KCNB2: variants seen among roughly 807,000 people sequenced by gnomAD.
KCNB2 encodes delayed rectifier potassium channel protein.
A neutral mutation model predicts 61.5 loss-of-function variants in KCNB2; 15 were observed. The observed-to-expected ratio is 0.24, with a 90% CI of 0.16 to 0.38. The LOEUF is 0.38. Among genes scored for constraint, KCNB2 ranks in the 10% least tolerant of loss-of-function variants. KCNB2 has a pLI of 1.00. For synonymous variants in KCNB2, 457 were observed against 446.0 expected (o/e 1.02, Z -0.31); for missense variants, 828 against 1,125.2 (o/e 0.74, Z 3.78).
intron 2 of KCNB2, among the ~76,000 whole-genome samples, chr8:72,608,998 T>C (rs1319415258): frequency 6.6e-6 from 1 of 152,212 alleles, no homozygotes; most frequent in Non-Finnish European, 1.5e-5. Flanking sequence ...TTTTCTATGA[T>C]GAAGTATAAT....
intron 2 of KCNB2, among the ~76,000 whole-genome samples, chr8:72,884,355 A>AGT (rs959641806): frequency 4.6e-5 from 7 of 151,668 alleles, no homozygotes; most frequent in South Asian, 4.2e-4. Context: ...AACTTCTCCC[A>AGT]GTGTGTGTGT....
At chr8:72,798,495 C>T (rs116064649) in intron 2 of KCNB2, among the ~76,000 whole-genome samples, 2,597 of 152,212 alleles carry the variant, frequency 0.017, 74 homozygotes, top group African/African-American at 0.059. Context: ...CTACTTCTAC[C>T]TTCTGCCCTT....
At chr8:72,600,078 C>A (rs542377261) in intron 2 of KCNB2, among the ~76,000 whole-genome samples, 13 of 152,358 alleles carry the variant, frequency 8.5e-5, no homozygotes, top group Non-Finnish European at 1.8e-4. Context: ...TTTGACCCAG[C>A]CATCCCATTA....
At chr8:72,558,610 G>T (rs1456703698) in intron 1 of KCNB2, among the ~76,000 whole-genome samples, 1 of 151,992 alleles carries the variant, frequency 6.6e-6, no homozygotes, top group Non-Finnish European at 1.5e-5. Context: ...AAATAAGGAA[G>T]GACTTAATTA....
At chr8:72,627,857 G>A (rs562434698) in intron 2 of KCNB2, among the ~76,000 whole-genome samples, 1 of 152,232 alleles carries the variant, frequency 6.6e-6, no homozygotes, top group African/African-American at 2.4e-5. Flanking sequence ...AGTATTTATT[G>A]TAGTATTTAT....
intron 2 of KCNB2, among the ~76,000 whole-genome samples, chr8:72,887,143 G>C (rs1022089933): frequency 1.3e-5 from 2 of 152,198 alleles, no homozygotes; most frequent in Non-Finnish European, 2.9e-5. Context: ...AGGGAGCTGA[G>C]TTAGATCCTG....
intron 2 of KCNB2, among the ~76,000 whole-genome samples, chr8:72,687,881 G>T (rs1414287315): frequency 6.6e-6 from 1 of 152,234 alleles, no homozygotes; most frequent in African/African-American, 2.4e-5. Context: ...ATAGTTGGGA[G>T]TTGGGTTTCT....
At chr8:72,634,929 G>GC in intron 2 of KCNB2, among the ~76,000 whole-genome samples, 1 of 152,218 alleles carries the variant, frequency 6.6e-6, no homozygotes, top group South Asian at 2.1e-4. Context: ...TCTCATTTAA[G>GC]CCCCCTAGAA....
intron 2 of KCNB2, among the ~76,000 whole-genome samples, chr8:72,758,368 G>A (rs1193424601): frequency 6.6e-6 from 1 of 152,200 alleles, no homozygotes. Context: ...GATCCATCCT[G>A]CCAGGCAGGT....
intron 2 of KCNB2, among the ~76,000 whole-genome samples, chr8:72,887,086 C>T (rs1302184704): frequency 6.6e-6 from 1 of 152,172 alleles, no homozygotes; most frequent in Non-Finnish European, 1.5e-5. Flanking sequence ...ACACCTTAAG[C>T]CAGCTTAGTG....
At chr8:72,668,770 G>C (rs895637774) in intron 2 of KCNB2, among the ~76,000 whole-genome samples, 4 of 152,044 alleles carry the variant, frequency 2.6e-5, no homozygotes, top group African/African-American at 9.7e-5. Context: ...TTATTTACTT[G>C]TTTATTATTT....
At chr8:72,730,560 A>G (rs569394982) in intron 2 of KCNB2, among the ~76,000 whole-genome samples, 2 of 152,262 alleles carry the variant, frequency 1.3e-5, no homozygotes, top group East Asian at 3.9e-4. Flanking sequence ...TGGTTCCTTC[A>G]CAGTCAATGT....
At chr8:72,565,110 C>G (rs752097114) in intron 1 of KCNB2, among the ~76,000 whole-genome samples, 1 of 148,966 alleles carries the variant, frequency 6.7e-6, no homozygotes, top group Non-Finnish European at 1.5e-5. Context: ...TAAAGATAAG[C>G]ATTTTTGTCA....
At chr8:72,824,896 T>C (rs1809572022) in intron 2 of KCNB2, among the ~76,000 whole-genome samples, 1 of 152,324 alleles carries the variant, frequency 6.6e-6, no homozygotes, top group African/African-American at 2.4e-5. Context: ...TGGTAAAATA[T>C]ACATAACATA....
chr8:72,538,325 T>C (rs899639371), intron 1 of KCNB2, among the ~76,000 whole-genome samples: 4 of 151,258 alleles, frequency 2.6e-5, no homozygotes, highest in Non-Finnish European at 1.5e-5. Context: ...TGTAGCACGA[T>C]TCCTGAGAGG....
At chr8:72,778,912 A>G (rs1329992665) in intron 2 of KCNB2, among the ~76,000 whole-genome samples, 1 of 152,128 alleles carries the variant, frequency 6.6e-6, no homozygotes, top group Non-Finnish European at 1.5e-5. Context: ...AAAGCCAAGT[A>G]TAGCATTTGG....
rs1806901641 is a variant in KCNB2 at position 72,936,248 on chromosome 8, G to A, written c.893G>A (p.Arg298His). ...KSVLQFQNVR[R>H]VVQIFRIMRI... ...GTGCTGCAGTTCCAAAACGTGAGGC[G>A]CGTGGTCCAGATCTTCCGAATCATG... The change falls in exon 3 of 3, where the codon CGC becomes CAC. Residue 298 changes from arginine (R) to histidine (H), a missense_variant. Arg to His is a conservative substitution (Grantham distance 29). Around this residue, in one of 4 missense-constraint regions of KCNB2, gnomAD observed 163 missense variants for 314.4 expected, o/e 0.52. Transcript: ENST00000523207. This position sits in a 1 kb window ranked among gnomAD's most constrained non-coding sequence, Gnocchi z 5.6. The A allele has an allele frequency of 6.2e-7, 1 of 1,614,240 alleles. No homozygotes were observed. Among genetic ancestry groups the A allele is most frequent in the Non-Finnish European group, 8.5e-7 (1 of 1,180,042 alleles).
rs2129009623 is a variant in KCNB2, at chr8:72,937,979, A to G, written c.2624A>G (p.Lys875Arg). Residue 875 changes from lysine (K) to arginine (R), a missense_variant, in exon 3 of 3, where the codon AAA becomes AGA. By Grantham distance (26) the Lys-to-Arg change is conservative (BLOSUM62 2). This residue lies in a region of KCNB2 where 559 missense variants were observed against 588.4 expected (regional missense o/e 0.95). Transcript: ENST00000523207. ...ATTTACCATGCTGTGAGTGAAGTCA[A>G]AAAGGACAGTAGTCAAGAAGGGTGC... ...QDIYHAVSEV[K>R]KDSSQEGCKM... 6.2e-7 allele frequency: 1 copy of G among 1,614,184 alleles called. No individual in the cohort carries two copies.
chr8:72,847,888 C>G (rs2129003079), intron 2 of KCNB2, among the ~76,000 whole-genome samples: 1 of 152,214 alleles, frequency 6.6e-6, no homozygotes, highest in East Asian at 1.9e-4. Context: ...ATAAATAGCC[C>G]CTCCCAGAGC....
Sources: allele counts gnomAD v4.1 joint callset (sites outside exome capture counted in the v4.1 genomes callset), GRCh38; gene constraint gnomAD v4.1.1; regional missense constraint gnomAD v4.1.1; non-coding constraint Gnocchi (gnomAD v3.1); transcripts MANE v1.5; gene names NCBI Gene and HGNC (gene_info 2026-07-23, HGNC 2026-07-21).